The following TASP1 variants were observed in gnomAD, a reference collection of about 807,000 sequenced individuals.
TASP1 encodes taspase 1.
Under a neutral mutation model 56.6 loss-of-function variants are expected in TASP1, and 16 were observed. That is an observed-to-expected ratio of 0.28 (90% CI 0.19 to 0.43). TASP1 has a LOEUF of 0.43. TASP1 is among the 20% of genes least tolerant of loss of function. The pLI, the probability that TASP1 is intolerant of heterozygous loss-of-function variation, is 1.00. For missense variants in TASP1, 393 were observed against 511.6 expected, an observed-to-expected ratio of 0.77 and a Z score of 2.24; for synonymous variants, 179 against 184.2, an observed-to-expected ratio of 0.97 and a Z score of 0.23.
chr20:13,440,711 C>T (rs1028053305), intron 11 of TASP1, among the ~76,000 whole-genome samples: 5 of 150,980 alleles, frequency 3.3e-5, no homozygotes, highest in East Asian at 2.0e-4. Flanking sequence ...AAATATAATA[C>T]ACTGAGAGAA....
At chr20:13,617,281 G>GA (rs2048556400) in intron 4 of TASP1, among the ~76,000 whole-genome samples, 1 of 151,902 alleles carries the variant, frequency 6.6e-6, no homozygotes, top group Admixed American at 6.6e-5. Context: ...AAAAAAACAG[G>GA]AAAAAAGAGC....
intron 8 of TASP1, among the ~76,000 whole-genome samples, chr20:13,557,572 G>GGTTTTTTTTTTTTTTTTTTT (rs1293106640): frequency 1.0e-5 from 1 of 99,738 alleles, no homozygotes; most frequent in Non-Finnish European, 2.0e-5. Context: ...GATGTTTTTG[G>GGTTTTTTTTTTTTTTTTTTT]TTTTTTTTTT....
the TASP1 span, among the ~76,000 whole-genome samples, chr20:13,275,523 G>A: frequency 6.6e-6 from 1 of 152,186 alleles, no homozygotes; most frequent in Non-Finnish European, 1.5e-5. Context: ...TTGGGATCAG[G>A]CACCACCATT....
At chr20:13,358,054 G>T in the TASP1 span, among the ~76,000 whole-genome samples, 3 of 152,112 alleles carry the variant, frequency 2.0e-5, no homozygotes, top group South Asian at 4.2e-4. Flanking sequence ...TGCCTTAACT[G>T]ATGACATTAC....
At chr20:13,531,674 G>C (rs1473874031) in intron 9 of TASP1, among the ~76,000 whole-genome samples, 1 of 151,382 alleles carries the variant, frequency 6.6e-6, no homozygotes, top group Non-Finnish European at 1.5e-5. Context: ...GTTCTGTTTT[G>C]TTTTGTTTTG....
the TASP1 span, chr20:13,292,226 TG>T: frequency 1.6e-6 from 1 of 611,228 alleles, no homozygotes; most frequent in Non-Finnish European, 2.9e-6. Context: ...TGCTTTTTAC[TG>T]TTTCCTCTGT....
At chr20:13,580,871 A>C (rs780006701) in intron 6 of TASP1, 26 bp downstream of exon 6, 1 of 1,611,982 alleles carries the variant, frequency 6.2e-7, no homozygotes, top group Non-Finnish European at 8.5e-7. Flanking sequence ...AAAGACAGGG[A>C]AAGTCAGGAA....
chr20:13,446,705 G>A lies in TASP1; in HGVS notation c.986-11551C>T, dbSNP rs556764845. 8.5e-5 allele frequency among the ~76,000 whole-genome samples: 13 copies of A among 152,132 alleles called. No individual in the cohort carries two copies. In the East Asian group the frequency reaches 9.7e-4, roughly 11 times the overall value. On this transcript the variant is annotated intron_variant, in intron 11 of 13. Transcript: ENST00000337743. ...AAAAAAAGTTTTTATCAGAAAAAAC[G>A]GAGTTCTTTGTATATCCTTTCTGAA...
At chr20:13,505,437 A>G (rs540828230) in intron 10 of TASP1, among the ~76,000 whole-genome samples, 1 of 152,204 alleles carries the variant, frequency 6.6e-6, no homozygotes, top group East Asian at 1.9e-4. Context: ...ATTCCACCCA[A>G]CAGCAGCCAA....
At chr20:13,559,896 T>C (rs2046284394) in intron 7 of TASP1, among the ~76,000 whole-genome samples, 1 of 152,090 alleles carries the variant, frequency 6.6e-6, no homozygotes, top group South Asian at 2.1e-4. Context: ...CTACCAAGAA[T>C]AAAAGCCAGC....
intron 5 of TASP1, among the ~76,000 whole-genome samples, chr20:13,585,300 A>C (rs994933120): frequency 6.6e-6 from 1 of 152,226 alleles, no homozygotes; most frequent in Non-Finnish European, 1.5e-5. Context: ...AACAGGCAAA[A>C]ACTTAAAATA....
At chr20:13,396,738 A>G (rs919775650) in intron 13 of TASP1, among the ~76,000 whole-genome samples, 1 of 152,238 alleles carries the variant, frequency 6.6e-6, no homozygotes, top group African/African-American at 2.4e-5. Context: ...GGAATGCCAT[A>G]TGTTATTTAT....
intron 11 of TASP1, among the ~76,000 whole-genome samples, chr20:13,439,587 C>T (rs767190452): frequency 2.5e-4 from 38 of 152,066 alleles, no homozygotes; most frequent in Non-Finnish European, 4.1e-4. Context: ...AGCACACCAA[C>T]ATGGCACATG....
Position 13,613,517 on chromosome 20 carries a change from G to T in TASP1, c.282+9929C>A, listed in dbSNP as rs557191010. Among the ~76,000 whole-genome samples the T allele has an allele frequency of 3.3e-5, 5 of 151,966 alleles. No individual in the cohort carries two copies. In the East Asian group the frequency reaches 9.7e-4, roughly 29 times the overall value. On this transcript the variant is annotated intron_variant, in intron 4 of 13. Coordinates refer to ENST00000337743, the MANE Select transcript of TASP1 (RefSeq NM_017714.3). ...CAGATATTTGCAAATTCATTTTCGG[G>T]TCACTGAAAATTAAAGCCAGAAAGC...
the TASP1 span, among the ~76,000 whole-genome samples, chr20:13,161,772 A>G: frequency 1.3e-5 from 2 of 152,374 alleles, no homozygotes; most frequent in East Asian, 1.9e-4. Flanking sequence ...TAATAAAAAA[A>G]TAAAAGAGTA....
the TASP1 span, among the ~76,000 whole-genome samples, chr20:13,336,652 T>G: frequency 6.6e-6 from 1 of 152,236 alleles, no homozygotes; most frequent in Non-Finnish European, 1.5e-5. Flanking sequence ...TTTTTCCTGT[T>G]CTTTGTAAAA....
chr20:13,463,437 CTTCATGACATTGGATTT>C (rs1393798083), intron 11 of TASP1, among the ~76,000 whole-genome samples: 2 of 151,966 alleles, frequency 1.3e-5, no homozygotes, highest in African/African-American at 4.8e-5. Flanking sequence ...AGGGGGCAAG[CTTCATGACATTGGATTT>C]GGCAATGACT....
At chr20:13,450,621 G>A (rs2043582715) in intron 11 of TASP1, among the ~76,000 whole-genome samples, 1 of 152,038 alleles carries the variant, frequency 6.6e-6, no homozygotes, top group East Asian at 1.9e-4. Flanking sequence ...TCATAAAATT[G>A]CAGCAATTCA....
the TASP1 span, among the ~76,000 whole-genome samples, chr20:13,367,506 T>C: frequency 6.2e-4 from 95 of 152,318 alleles, 1 homozygote; most frequent in South Asian, 0.013. Context: ...CTTAGACCAA[T>C]GAAATTGGAT....
Sources: gnomAD v4.1 joint callset for allele counts (sites outside exome capture counted in the v4.1 genomes callset) on GRCh38, gnomAD v4.1.1 for gene constraint, MANE v1.5 for transcripts, NCBI Gene and HGNC (gene_info 2026-07-23, HGNC 2026-07-21) for gene names.